The following FMN1 variants were observed in gnomAD, a reference collection of about 807,000 sequenced individuals.
FMN1 encodes formin 1.
In FMN1, 110 loss-of-function variants were observed where a neutral mutation model predicts 132.4. That is an observed-to-expected ratio of 0.83 (90% CI 0.71 to 0.97). The LOEUF is 0.97. FMN1 is among the 50% of genes least tolerant of loss of function. FMN1 has a pLI of 0.00. For missense variants in FMN1, 1,792 were observed against 1,705.3 expected (o/e 1.05, Z -0.90); for synonymous variants, 722 against 651.7 (o/e 1.11, Z -1.64).
At chr15:32,867,692 C>A (rs767124147) in intron 16 of FMN1, among the ~76,000 whole-genome samples, 1 of 152,138 alleles carries the variant, frequency 6.6e-6, no homozygotes, top group African/African-American at 2.4e-5. Flanking sequence ...GGGGTTTCAC[C>A]ATGTTAGCCG....
In FMN1 at chr15:32,772,638, T is replaced by C. The variant is rs1369506771; in HGVS notation, c.*1672A>G. On this transcript the variant is annotated 3_prime_UTR_variant, in exon 21 of 21. Coordinates refer to ENST00000616417, the MANE Select transcript of FMN1 (RefSeq NM_001277313.2). ...GTTCCTTCATTGTGAATTTTAAAAA[T>C]CCAACCATGTTACCATATTCCTTTC... 6.6e-6 allele frequency: 1 copy of C among 152,222 alleles called. No individual in the cohort carries two copies. The highest frequency in any genetic ancestry group is 1.5e-5 in the Non-Finnish European group (1 of 68,044). The allele number at this position is 152,222 out of a possible 1,614,324, so 9.4% of individuals were successfully genotyped here.
At chr15:33,011,087 G>A (rs917433261) in intron 6 of FMN1, among the ~76,000 whole-genome samples, 1 of 152,096 alleles carries the variant, frequency 6.6e-6, no homozygotes, top group African/African-American at 2.4e-5. Flanking sequence ...ATGCCAATAA[G>A]AGCCAAGGAA....
At chr15:32,922,358 TG>T (rs1303876315) in intron 10 of FMN1, among the ~76,000 whole-genome samples, 1 of 152,156 alleles carries the variant, frequency 6.6e-6, no homozygotes, top group Non-Finnish European at 1.5e-5. Flanking sequence ...AACGAACACT[TG>T]AATATATGAC....
At chr15:33,159,024 C>T (rs1417135828) in intron 3 of FMN1, among the ~76,000 whole-genome samples, 1 of 151,990 alleles carries the variant, frequency 6.6e-6, no homozygotes, top group Non-Finnish European at 1.5e-5. Flanking sequence ...ACTAAAAATA[C>T]AGAAAAAATT....
At chr15:32,826,558 C>G (rs1053454390) in intron 17 of FMN1, among the ~76,000 whole-genome samples, 3 of 152,170 alleles carry the variant, frequency 2.0e-5, no homozygotes, top group African/African-American at 4.8e-5. Flanking sequence ...GAAGCGCAGA[C>G]CAATTTAATG....
intron 4 of FMN1, among the ~76,000 whole-genome samples, chr15:33,140,972 A>G (rs1963986738): frequency 6.6e-6 from 1 of 152,156 alleles, no homozygotes; most frequent in South Asian, 2.1e-4. Context: ...AAGTGAATTG[A>G]CTATCTCCTT....
At chr15:33,024,957 G>A (rs1373945568) in intron 6 of FMN1, among the ~76,000 whole-genome samples, 2 of 152,042 alleles carry the variant, frequency 1.3e-5, no homozygotes, top group African/African-American at 4.8e-5. Context: ...GAGAGAAAAA[G>A]CTGCCAAAAA....
chr15:33,173,843 C>T (rs1383169668), intron 3 of FMN1, among the ~76,000 whole-genome samples: 6 of 152,104 alleles, frequency 3.9e-5, no homozygotes, highest in Admixed American at 3.3e-4. Context: ...GCAGGAGAAT[C>T]GCTTGAACCC....
intron 4 of FMN1, among the ~76,000 whole-genome samples, chr15:33,109,452 T>C (rs2039612576): frequency 6.6e-6 from 1 of 151,978 alleles, no homozygotes; most frequent in African/African-American, 2.4e-5. Flanking sequence ...TGTCAATCGA[T>C]GACAGATTGG....
chr15:33,015,199 T>C (rs2034969924), intron 6 of FMN1, among the ~76,000 whole-genome samples: 1 of 152,244 alleles, frequency 6.6e-6, no homozygotes. Flanking sequence ...AAGCAGCAGA[T>C]GCAAACAAAA....
At chr15:33,090,104 T>G (rs903240358) in intron 4 of FMN1, among the ~76,000 whole-genome samples, 1 of 152,238 alleles carries the variant, frequency 6.6e-6, no homozygotes, top group East Asian at 1.9e-4. Flanking sequence ...AGTCCTCTTT[T>G]AATTCCTGGT....
At chr15:32,824,439 T>C (rs2058314689) in intron 17 of FMN1, among the ~76,000 whole-genome samples, 1 of 152,216 alleles carries the variant, frequency 6.6e-6, no homozygotes, top group Admixed American at 6.5e-5. Context: ...TAAATTTTAT[T>C]TGCAAGGAAA....
In FMN1 at chr15:32,833,604, T is replaced by G. The variant is rs564112400; in HGVS notation, c.3928+23411A>C. On this transcript the variant is annotated intron_variant, in intron 17 of 20. Transcript: ENST00000616417. ...CTTTGTTTTATGGTTTAATGGACAT[T>G]TAGCTGAGTTAAAAGGGTTAACAAG... 2.6e-5 allele frequency among the ~76,000 whole-genome samples: 4 copies of G among 152,292 alleles called. 1 individual carries two copies. The highest frequency in any genetic ancestry group is 9.6e-5 in the African/African-American group (4 of 41,564).
intron 7 of FMN1, among the ~76,000 whole-genome samples, chr15:33,005,867 C>G (rs968919701): frequency 3.9e-5 from 6 of 152,152 alleles, no homozygotes; most frequent in African/African-American, 7.2e-5. Context: ...AAAGAGAGGT[C>G]TCCCTTTGTA....
At chr15:32,821,360 T>C (rs1313561218) in intron 17 of FMN1, among the ~76,000 whole-genome samples, 2 of 152,090 alleles carry the variant, frequency 1.3e-5, no homozygotes, top group Non-Finnish European at 1.5e-5. Context: ...CTAACTTTTG[T>C]TGGATTCACC....
chr15:32,812,782 G>T (rs1413159782), intron 17 of FMN1, among the ~76,000 whole-genome samples: 1 of 152,208 alleles, frequency 6.6e-6, no homozygotes, highest in Non-Finnish European at 1.5e-5. Context: ...ATAACAACAT[G>T]AATTACAAAG....
At chr15:32,922,913 A>G (rs1399340045) in intron 10 of FMN1, among the ~76,000 whole-genome samples, 1 of 152,264 alleles carries the variant, frequency 6.6e-6, no homozygotes, top group Non-Finnish European at 1.5e-5. Flanking sequence ...AGTGATGGAA[A>G]TGACATTTTA....
At chr15:32,899,902 G>T in intron 14 of FMN1, 77 bp downstream of exon 14, 2 of 1,410,316 alleles carry the variant, frequency 1.4e-6, no homozygotes, top group Non-Finnish European at 2.0e-6. Flanking sequence ...GAACAATCTG[G>T]AATACGTTTT....
intron 4 of FMN1, among the ~76,000 whole-genome samples, chr15:33,127,303 T>C (rs1397011273): frequency 2.0e-5 from 3 of 152,122 alleles, no homozygotes; most frequent in Non-Finnish European, 4.4e-5. Flanking sequence ...ATAAGTAACG[T>C]CATGGTTAAT....
Sources: gnomAD v4.1 joint callset for allele counts (sites outside exome capture counted in the v4.1 genomes callset) on GRCh38, gnomAD v4.1.1 for gene constraint, MANE v1.5 for transcripts, NCBI Gene and HGNC (gene_info 2026-07-23, HGNC 2026-07-21) for gene names.